Variants in OTOGL observed in about 807,000 individuals in gnomAD.
The protein encoded by OTOGL is otogelin-like protein.
OTOGL carries 285 observed loss-of-function variants against 318.5 expected under a neutral mutation model. The observed-to-expected ratio is 0.89, with a 90% confidence interval of 0.81 to 0.99. The LOEUF (loss-of-function observed/expected upper bound fraction) is 0.99. Among genes scored for constraint, OTOGL ranks in the 50% least tolerant of loss-of-function variants. The pLI is 0.00. For synonymous variants in OTOGL, 987 were observed against 936.5 expected, an observed-to-expected ratio of 1.05 and a Z score of -0.99; for missense variants, 2,899 against 2,845.6, an observed-to-expected ratio of 1.02 and a Z score of -0.43.
At chr12:80,178,576 C>T (rs183913721) in intron 1 of OTOGL, among the ~76,000 whole-genome samples, 4 of 152,228 alleles carry the variant, frequency 2.6e-5, no homozygotes, top group East Asian at 1.9e-4. Context: ...AGAGAGATTA[C>T]GGGCTATACC....
intron 52 of OTOGL, among the ~76,000 whole-genome samples, chr12:80,363,901 T>C (rs1890379466): frequency 6.6e-6 from 1 of 152,096 alleles, no homozygotes; most frequent in Admixed American, 6.6e-5. Context: ...GGTTGTGACC[T>C]TAGCTCTGTT....
At chr12:80,303,853 G>A (rs1279724007) in intron 28 of OTOGL, among the ~76,000 whole-genome samples, 2 of 152,104 alleles carry the variant, frequency 1.3e-5, no homozygotes, top group Non-Finnish European at 2.9e-5. Context: ...ATTGTAATTC[G>A]AGGTGAGATT....
At chr12:80,194,569 T>G (rs918428300) in intron 1 of OTOGL, among the ~76,000 whole-genome samples, 1 of 152,200 alleles carries the variant, frequency 6.6e-6, no homozygotes, top group Non-Finnish European at 1.5e-5. Flanking sequence ...TTTTGAGTCA[T>G]GACAAATTTT....
At chr12:80,321,523 T>TA (rs774679947) in intron 34 of OTOGL, among the ~76,000 whole-genome samples, 52 of 152,176 alleles carry the variant, frequency 3.4e-4, no homozygotes, top group Admixed American at 6.5e-4. Flanking sequence ...CATGTATACA[T>TA]ATGTAACAAA....
chr12:80,222,299 G>A, intron 7 of OTOGL, 54 bp downstream of exon 7: 2 of 1,441,298 alleles, frequency 1.4e-6, no homozygotes, highest in South Asian at 1.3e-5. Flanking sequence ...GGAAAAGTAT[G>A]TATTTTTAAA....
chr12:80,152,424 C>T (rs369347898), intron 1 of OTOGL, among the ~76,000 whole-genome samples: 3 of 151,900 alleles, frequency 2.0e-5, no homozygotes, highest in African/African-American at 2.4e-5. Flanking sequence ...AATTTCAGCT[C>T]GAAGCTGAAA....
intron 1 of OTOGL, among the ~76,000 whole-genome samples, chr12:80,126,831 A>G (rs1015891685): frequency 1.3e-5 from 2 of 151,958 alleles, no homozygotes; most frequent in Non-Finnish European, 2.9e-5. Context: ...TGTTGGTTTA[A>G]AGTCTGTTTT....
At chr12:80,346,156 C>T (rs998114364) in intron 44 of OTOGL, among the ~76,000 whole-genome samples, 1 of 152,116 alleles carries the variant, frequency 6.6e-6, no homozygotes, top group African/African-American at 2.4e-5. Context: ...CTTTTTCTCT[C>T]AAAGCCTCAA....
At chr12:80,201,361 G>A (rs1876441137) in intron 1 of OTOGL, among the ~76,000 whole-genome samples, 1 of 152,146 alleles carries the variant, frequency 6.6e-6, no homozygotes, top group African/African-American at 2.4e-5. Context: ...TTCCAATCAT[G>A]GTGGAAGGTG....
intron 52 of OTOGL, among the ~76,000 whole-genome samples, chr12:80,360,184 T>C (rs1890147199): frequency 6.6e-6 from 1 of 152,216 alleles, no homozygotes; most frequent in Admixed American, 6.5e-5. Context: ...GCTTAGTGTC[T>C]GACATATAGA....
chr12:80,257,962 C>T lies in OTOGL; in HGVS notation c.1849C>T (p.Leu617=), dbSNP rs1565935403. ...CGCATGGAAAAGAAGAACATTAGGT[C>T]TGTGTGGCACTTTTAATGGCAACAT... ...TSAWKRRTLG[L]CGTFNGNIRD... is the part of the protein sequence containing the mutation. The change falls in exon 18 of 59, where the codon CTG becomes TTG. Residue 617 remains leucine (L), a synonymous_variant. Coordinates refer to ENST00000547103, the MANE Select transcript of OTOGL (RefSeq NM_001378609.3). The T allele has an allele frequency of 6.3e-7, 1 of 1,594,244 alleles. No homozygotes were observed.
chr12:80,215,102 G>C (rs896630172), intron 4 of OTOGL, among the ~76,000 whole-genome samples: 2 of 151,568 alleles, frequency 1.3e-5, no homozygotes, highest in Admixed American at 6.6e-5. Flanking sequence ...TTTTTATCTT[G>C]CTTGTGTTAT....
intron 22 of OTOGL, among the ~76,000 whole-genome samples, chr12:80,267,698 T>C (rs1314267915): frequency 6.6e-6 from 1 of 151,446 alleles, no homozygotes; most frequent in Non-Finnish European, 1.5e-5. Context: ...GAAATATGAC[T>C]TCTGTAATTA....
intron 1 of OTOGL, chr12:80,208,241 G>A (rs1474748078): frequency 3.9e-6 from 2 of 516,114 alleles, no homozygotes; most frequent in African/African-American, 3.9e-5. Flanking sequence ...AAGAGTAAAT[G>A]ATTATTGGAT....
chr12:80,146,264 T>C (rs1343145222), intron 1 of OTOGL, among the ~76,000 whole-genome samples: 1 of 146,888 alleles, frequency 6.8e-6, no homozygotes, highest in Non-Finnish European at 1.5e-5. Flanking sequence ...GTTTTTAGCA[T>C]GAAGGGTTGT....
chr12:80,179,255 T>C (rs1874750016), intron 1 of OTOGL, among the ~76,000 whole-genome samples: 1 of 152,140 alleles, frequency 6.6e-6, no homozygotes, highest in East Asian at 1.9e-4. Context: ...TTGAAAGTCA[T>C]CAGCAGACAA....
chr12:80,196,977 T>G (rs1344377212), intron 1 of OTOGL, among the ~76,000 whole-genome samples: 2 of 152,128 alleles, frequency 1.3e-5, no homozygotes, highest in Non-Finnish European at 2.9e-5. Flanking sequence ...ATACACACCT[T>G]AAGTCTGATA....
chr12:80,276,174 G>C (rs1467646364), intron 24 of OTOGL, among the ~76,000 whole-genome samples: 1 of 151,674 alleles, frequency 6.6e-6, no homozygotes, highest in Non-Finnish European at 1.5e-5. Context: ...TAAGAATTGT[G>C]GTTCATTTTG....
chr12:80,249,563 T>C (rs539389448), intron 11 of OTOGL, among the ~76,000 whole-genome samples: 14 of 152,088 alleles, frequency 9.2e-5, no homozygotes, highest in South Asian at 8.3e-4. Flanking sequence ...CACTGCTCTC[T>C]TCAAAGCTGT....
Sources: gnomAD v4.1 joint callset for allele counts (sites outside exome capture counted in the v4.1 genomes callset) on GRCh38, gnomAD v4.1.1 for gene constraint, MANE v1.5 for transcripts, NCBI Gene and HGNC (gene_info 2026-07-23, HGNC 2026-07-21) for gene names.